THSD4: variants seen among roughly 807,000 people sequenced by gnomAD.
THSD4 encodes thrombospondin type 1 domain containing 4.
A neutral mutation model predicts 119.0 loss-of-function variants in THSD4; 69 were observed. The ratio of observed to expected loss-of-function variants is 0.58; its 90% CI spans 0.48 to 0.71. The LOEUF (loss-of-function observed/expected upper bound fraction) is 0.71, where lower values mean the gene tolerates loss of function less well. THSD4 is among the 30% of genes least tolerant of loss of function. The probability of loss-of-function intolerance (pLI) is 0.00; values close to 1 mark genes in which losing one functional copy is unlikely to be tolerated. For missense variants in THSD4, 1,393 were observed against 1,391.1 expected, an observed-to-expected ratio of 1.00 and a Z score of -0.02; for synonymous variants, 524 against 540.4, an observed-to-expected ratio of 0.97 and a Z score of 0.42.
intron 3 of THSD4, among the ~76,000 whole-genome samples, chr15:71,167,484 G>C (rs559003207): frequency 2.6e-5 from 4 of 152,328 alleles, no homozygotes; most frequent in Admixed American, 2.0e-4. Flanking sequence ...GCAAGTATAC[G>C]TGTTTTGGAA....
intron 6 of THSD4, among the ~76,000 whole-genome samples, chr15:71,300,717 A>G (rs1352401085): frequency 1.3e-5 from 2 of 152,252 alleles, no homozygotes; most frequent in African/African-American, 4.8e-5. Context: ...TCTAGTTTAA[A>G]CTCTCAGTGA....
At position 71,526,478 on chromosome 15, in the gene THSD4, G is replaced by A. The variant is rs117577399; in HGVS notation, c.1152+114655G>A. On this transcript the variant is annotated intron_variant, in intron 7 of 17. Coordinates refer to ENST00000261862, the MANE Select transcript of THSD4 (RefSeq NM_024817.3). ...TTTTATTGTGCTGTCTTTAGGTTTC[G>A]TTTAGTGATTCTTTTTTTAAGTTGT... Among the ~76,000 whole-genome samples, 660 of 152,034 alleles carry A rather than the reference G, an allele frequency of 4.3e-3. 6 individuals are homozygous for A. Among genetic ancestry groups the A allele is most frequent in the African/African-American group, 0.015 (620 of 41,520 alleles).
At chr15:71,407,045 CTT>C (rs2046619055) in intron 6 of THSD4, among the ~76,000 whole-genome samples, 2 of 152,066 alleles carry the variant, frequency 1.3e-5, no homozygotes, top group African/African-American at 4.8e-5. Context: ...TGGATTGACT[CTT>C]TTATTATTAT....
At chr15:71,602,121 G>T (rs1400338767) in intron 7 of THSD4, among the ~76,000 whole-genome samples, 1 of 152,096 alleles carries the variant, frequency 6.6e-6, no homozygotes, top group African/African-American at 2.4e-5. Context: ...GAGGGGTGAG[G>T]ACAGTAATAA....
chr15:71,566,995 T>C (rs1279900013), intron 7 of THSD4, among the ~76,000 whole-genome samples: 2 of 151,974 alleles, frequency 1.3e-5, no homozygotes, highest in Non-Finnish European at 2.9e-5. Flanking sequence ...ACCAACCCTC[T>C]CTCGTTAGAG....
intron 7 of THSD4, among the ~76,000 whole-genome samples, chr15:71,461,737 T>C (rs764551924): frequency 7.9e-5 from 12 of 151,774 alleles, no homozygotes; most frequent in Non-Finnish European, 1.5e-4. Context: ...CTTTTGATCA[T>C]AATTTCCAAG....
At chr15:71,385,210 A>G (rs1463408199) in intron 6 of THSD4, among the ~76,000 whole-genome samples, 1 of 152,184 alleles carries the variant, frequency 6.6e-6, no homozygotes, top group South Asian at 2.1e-4. Flanking sequence ...GGAGAGCTCT[A>G]GACACAACGC....
At chr15:71,676,566 T>C (rs771094375) in intron 8 of THSD4, among the ~76,000 whole-genome samples, 6 of 152,122 alleles carry the variant, frequency 3.9e-5, no homozygotes, top group Non-Finnish European at 8.8e-5. Flanking sequence ...AGGTGTGAGC[T>C]ACTGCGCCCA....
rs149054027 is a variant in THSD4, at chr15:71,373,993, A to C, written c.1016-37694A>C. Reference sequence around the variant, plus strand: ...CCTTCCCTCAGGATGTTATGTGAACACTGGACTGAATTCAACTACAAAATA... The same window carrying C: ...CCTTCCCTCAGGATGTTATGTGAACCCTGGACTGAATTCAACTACAAAATA... On this transcript the variant is annotated intron_variant, in intron 6 of 17. Coordinates refer to ENST00000261862, the MANE Select transcript of THSD4 (RefSeq NM_024817.3). Among the ~76,000 whole-genome samples the C allele has an allele frequency of 1.0e-3, 157 of 152,346 alleles. 1 individual carries two copies. In the East Asian group the frequency reaches 0.028, roughly 27 times the overall value.
rs1243625721 is a variant in THSD4, at chr15:71,678,436, A to T, written c.1357+17702A>T. Among the ~76,000 whole-genome samples the T allele has an allele frequency of 2.6e-5, 4 of 152,134 alleles. No homozygotes were observed. In the East Asian group the frequency reaches 7.7e-4, roughly 29 times the overall value. On this transcript the variant is annotated intron_variant, in intron 8 of 17. Transcript: ENST00000261862. ...TCTCTTCCTTCCTCGTGAGCATCAGAGCTTCAGAAATGTGAAACCTGCCTT... is the reference window on the plus strand; with the variant it reads ...TCTCTTCCTTCCTCGTGAGCATCAGTGCTTCAGAAATGTGAAACCTGCCTT...
intron 4 of THSD4, among the ~76,000 whole-genome samples, chr15:71,231,798 A>C (rs2044063961): frequency 6.6e-6 from 1 of 152,112 alleles, no homozygotes; most frequent in Non-Finnish European, 1.5e-5. Flanking sequence ...TATTTCCCTA[A>C]GTGGTCAGAG....
At chr15:71,573,014 C>T (rs942469145) in intron 7 of THSD4, among the ~76,000 whole-genome samples, 5 of 152,208 alleles carry the variant, frequency 3.3e-5, no homozygotes, top group African/African-American at 1.2e-4. Flanking sequence ...CCAAGGAGGA[C>T]GACTTCATCC....
intron 8 of THSD4, among the ~76,000 whole-genome samples, chr15:71,716,628 C>T (rs1415660322): frequency 6.9e-6 from 1 of 144,956 alleles, no homozygotes; most frequent in Non-Finnish European, 1.5e-5. Context: ...TGCTTTAGAT[C>T]ATAGCTGACT....
intron 8 of THSD4, among the ~76,000 whole-genome samples, chr15:71,697,066 C>G (rs1302962020): frequency 6.6e-6 from 1 of 152,144 alleles, no homozygotes; most frequent in Non-Finnish European, 1.5e-5. Context: ...CCTTTGGCAA[C>G]TGGGTGATAA....
intron 7 of THSD4, among the ~76,000 whole-genome samples, chr15:71,630,865 G>A (rs1170744450): frequency 6.6e-6 from 1 of 152,192 alleles, no homozygotes; most frequent in African/African-American, 2.4e-5. Flanking sequence ...TCACGGCAAA[G>A]GTTTCTCCAC....
rs2053965639 is a variant in THSD4, at chr15:71,779,477, A to G, written c.*2103A>G. ...GCTGGAGGGCAGGCTAAGATCAATG[A>G]GTGGAAGAGAGAAAGGCTGTTTTAG... On this transcript the variant is annotated 3_prime_UTR_variant, in exon 18 of 18. Transcript: ENST00000261862. The G allele has an allele frequency of 6.6e-6, 1 of 152,218 alleles. No homozygotes were observed. Among genetic ancestry groups the G allele is most frequent in the Admixed American group, 6.5e-5 (1 of 15,280 alleles). 9.4% of individuals were successfully genotyped at this position (152,218 alleles called of 1,614,324 possible).
intron 6 of THSD4, among the ~76,000 whole-genome samples, chr15:71,268,426 G>T (rs933965726): frequency 6.6e-6 from 1 of 152,052 alleles, no homozygotes; most frequent in South Asian, 2.1e-4. Flanking sequence ...AAGACATAAC[G>T]TACCAGAATC....
At position 71,669,601 on chromosome 15, in the gene THSD4, G is replaced by A. The variant is rs187163476; in HGVS notation, c.1357+8867G>A. Among the ~76,000 whole-genome samples the A allele has an allele frequency of 3.5e-3, 535 of 152,048 alleles. 3 individuals are homozygous for A. The highest frequency in any genetic ancestry group is 0.011 in the South Asian group (54 of 4,816). On this transcript the variant is annotated intron_variant, in intron 8 of 17. Transcript: ENST00000261862. ...TAAGAATTTTTATTAAAACTTGCCC[G>A]TTTTGTTTAGTTTTCTTCTGAATGT... is the stretch of plus-strand genomic sequence containing the variant.
At chr15:71,609,860 AAAAAAAAG>A (rs2050189720) in intron 7 of THSD4, among the ~76,000 whole-genome samples, 1 of 149,738 alleles carries the variant, frequency 6.7e-6, no homozygotes, top group African/African-American at 2.4e-5. Flanking sequence ...TCAAAAAAAA[AAAAAAAAG>A]AAAAAAAGAA....
Sources: allele counts gnomAD v4.1 joint callset (sites outside exome capture counted in the v4.1 genomes callset), GRCh38; gene constraint gnomAD v4.1.1; transcripts MANE v1.5; gene names NCBI Gene and HGNC (gene_info 2026-07-23, HGNC 2026-07-21).